Variants in ARAP2 observed in about 807,000 individuals in gnomAD.
The protein encoded by ARAP2 is ArfGAP with RhoGAP domain, ankyrin repeat and PH domain 2.
Under a neutral mutation model 194.5 loss-of-function variants are expected in ARAP2, and 148 were observed. That is an observed-to-expected ratio of 0.76 (90% CI 0.67 to 0.87). The LOEUF (loss-of-function observed/expected upper bound fraction) is 0.87, where lower values mean the gene tolerates loss of function less well. Among genes scored for constraint, ARAP2 ranks in the 40% least tolerant of loss-of-function variants. The pLI, the probability that ARAP2 is intolerant of heterozygous loss-of-function variation, is 0.00. For missense variants in ARAP2, 2,128 were observed against 1,989.7 expected (o/e 1.07, Z -1.32); for synonymous variants, 695 against 683.5 (o/e 1.02, Z -0.26).
At chr4:36,058,208 A>G (rs1723839080) in intron 1 of ARAP2, 1 of 152,196 alleles carries the variant, frequency 6.6e-6, no homozygotes, top group Non-Finnish European at 1.5e-5. Flanking sequence ...AAACAACTCC[A>G]CCGCACTATT....
chr4:36,140,491 G>T (rs1250392630), intron 19 of ARAP2, among the ~76,000 whole-genome samples: 1 of 151,692 alleles, frequency 6.6e-6, no homozygotes, highest in East Asian at 1.9e-4. Flanking sequence ...CCATCTCTAA[G>T]AATTAAATCA....
At chr4:36,160,241 A>G in intron 13 of ARAP2, 2 of 1,137,802 alleles carry the variant, frequency 1.8e-6, no homozygotes, top group Non-Finnish European at 2.1e-6. Context: ...AAGAGTTAGC[A>G]GGAAACTTCA....
rs560393293 is a variant in ARAP2, at chr4:36,119,842, G to A, written c.3895-124C>T. On this transcript the variant is annotated intron_variant, in intron 23 of 32. Transcript: ENST00000303965. ...TTAAAAATAAATGAGAATGGCCATCGGAATCAATATGAGCCCACACAGCTA... is the reference window on the plus strand; with the variant it reads ...TTAAAAATAAATGAGAATGGCCATCAGAATCAATATGAGCCCACACAGCTA... 68 of 609,848 alleles carry A rather than the reference G, an allele frequency of 1.1e-4. 1 individual carries two copies. The South Asian group carries it at 1.9e-3, about 17-fold the overall frequency. 37.8% of individuals were successfully genotyped at this position (609,848 alleles called of 1,614,324 possible).
chr4:36,163,755 A>G (rs1038526456), intron 11 of ARAP2, among the ~76,000 whole-genome samples: 5 of 152,166 alleles, frequency 3.3e-5, no homozygotes, highest in African/African-American at 1.2e-4. Flanking sequence ...GGAGGGAAGA[A>G]AGAAAGGAAG....
At position 36,066,674 on chromosome 4, in the gene ARAP2, G is replaced by A. The variant is rs1479176118; in HGVS notation, c.*1233C>T. The A allele has an allele frequency of 1.3e-5, 2 of 152,018 alleles. No individual in the cohort carries two copies. The highest frequency in any genetic ancestry group is 2.9e-5 in the Non-Finnish European group (2 of 68,024). The allele number at this position is 152,018 out of a possible 1,614,324, so 9.4% of individuals were successfully genotyped here. ...AATGCTTCCCCTAACATGAACTATGGTTAGATAGCATTGTCTGTCAGGAAA... is the reference window on the plus strand; with the variant it reads ...AATGCTTCCCCTAACATGAACTATGATTAGATAGCATTGTCTGTCAGGAAA... On this transcript the variant is annotated 3_prime_UTR_variant, in exon 33 of 33. Coordinates refer to ENST00000303965, the MANE Select transcript of ARAP2 (RefSeq NM_015230.4).
chr4:36,082,391 G>A, intron 29 of ARAP2, 105 bp from the exon 30 acceptor site: 3 of 1,136,180 alleles, frequency 2.6e-6, no homozygotes, highest in East Asian at 5.2e-5. Context: ...TGGTGGGAAT[G>A]CATAGACTTC....
chr4:36,121,274 C>A lies in ARAP2; in HGVS notation c.3799G>T (p.Val1267Phe), dbSNP rs561374791. The change falls in exon 23 of 33, where the codon GTC (valine) becomes TTC (phenylalanine). Residue 1267 changes from valine (V) to phenylalanine (F), a missense_variant. Val to Phe is a conservative substitution (Grantham distance 50, BLOSUM62 -1). Transcript: ENST00000303965. ...GTTTGAAACAAACAGGATGAAAAGACCAAGGCCAAATTATGGGCATTCATG... is the reference window on the plus strand; with the variant it reads ...GTTTGAAACAAACAGGATGAAAAGAACAAGGCCAAATTATGGGCATTCATG... ...NHMNAHNLAL[V>F]FSSCLFQTKG... is the part of the protein sequence containing the mutation. 152 of 1,605,544 alleles carry A rather than the reference C, an allele frequency of 9.5e-5. No homozygotes were observed. In the East Asian group the frequency reaches 3.2e-3, roughly 33 times the overall value.
At chr4:36,107,469 T>C (rs918562473) in intron 27 of ARAP2, 96 bp downstream of exon 27, 1 of 1,321,954 alleles carries the variant, frequency 7.6e-7, no homozygotes, top group African/African-American at 1.5e-5. Flanking sequence ...TAGCTACTCG[T>C]TTTTCACATT....
rs376027995 is a variant in ARAP2 at position 36,210,709 on chromosome 4, C to T, written c.1168G>A (p.Asp390Asn). The change falls in exon 6 of 33, where the codon GAC becomes AAC. Residue 390 changes from aspartate (D) to asparagine (N), a missense_variant. Physicochemically the swap from Asp to Asn is conservative, Grantham distance 23. Transcript: ENST00000303965. ...GGTATCCAAATATCTTCCACCTTGT[C>T]CTCGCTTATTTTCTCCTTTCTGTTA... ...YDNRKEKISE[D>N]KVEDIWIPRE... The T allele has an allele frequency of 3.0e-5, 49 of 1,607,000 alleles. No homozygotes were observed. The highest frequency in any genetic ancestry group is 3.9e-5 in the Non-Finnish European group (46 of 1,177,970).
chr4:36,025,288 G>T (rs968196819), intron 5 of ARAP2, among the ~76,000 whole-genome samples: 1 of 152,092 alleles, frequency 6.6e-6, no homozygotes, highest in South Asian at 2.1e-4. Flanking sequence ...CCACCATATG[G>T]ATTTTAACAT....
chr4:36,180,726 A>G (rs937880544), intron 8 of ARAP2, among the ~76,000 whole-genome samples: 13 of 152,226 alleles, frequency 8.5e-5, no homozygotes, highest in Non-Finnish European at 7.3e-5. Context: ...ATTACTTTAA[A>G]ACTGGCAATT....
chr4:36,128,493 C>A, intron 21 of ARAP2, 40 bp downstream of exon 21: 1 of 1,494,014 alleles, frequency 6.7e-7, no homozygotes, highest in Non-Finnish European at 9.3e-7. Context: ...CACACACACA[C>A]ACACACACAC....
At chr4:36,044,320 A>G (rs1046647798) in intron 5 of ARAP2, among the ~76,000 whole-genome samples, 1 of 152,200 alleles carries the variant, frequency 6.6e-6, no homozygotes. Context: ...TTCAAGAGAA[A>G]AATGGAAGTA....
intron 27 of ARAP2, among the ~76,000 whole-genome samples, chr4:36,102,074 T>C (rs1204611462): frequency 1.3e-5 from 2 of 152,054 alleles, no homozygotes; most frequent in Non-Finnish European, 2.9e-5. Flanking sequence ...ATCTCTGATA[T>C]TCTTACTCTA....
At chr4:36,032,686 A>T (rs958248907) in intron 5 of ARAP2, among the ~76,000 whole-genome samples, 10 of 152,032 alleles carry the variant, frequency 6.6e-5, no homozygotes, top group Middle Eastern at 3.4e-3. Context: ...TTTAACTTTT[A>T]TTTTAAGTTT....
At chr4:36,044,053 G>C (rs1380176666) in intron 5 of ARAP2, among the ~76,000 whole-genome samples, 2 of 152,120 alleles carry the variant, frequency 1.3e-5, no homozygotes, top group East Asian at 1.9e-4. Context: ...CAGTATGGAA[G>C]AGAAGCACTC....
chr4:36,143,122 G>T (rs897459719), intron 19 of ARAP2, among the ~76,000 whole-genome samples: 2 of 151,602 alleles, frequency 1.3e-5, no homozygotes, highest in Non-Finnish European at 3.0e-5. Context: ...ACCATACAGG[G>T]TGCTGTGCCT....
At chr4:36,010,212 A>G (rs1216924197) in intron 9 of ARAP2, among the ~76,000 whole-genome samples, 1 of 151,182 alleles carries the variant, frequency 6.6e-6, no homozygotes, top group Non-Finnish European at 1.5e-5. Context: ...ATTGTATTTT[A>G]TATATTGTAT....
intron 7 of ARAP2, among the ~76,000 whole-genome samples, chr4:36,189,583 CT>C (rs1741401275): frequency 6.6e-6 from 1 of 152,150 alleles, no homozygotes; most frequent in African/African-American, 2.4e-5. Context: ...TTCACAGCCT[CT>C]ACTATCCTCT....
Sources: gnomAD v4.1 joint callset for allele counts (sites outside exome capture counted in the v4.1 genomes callset) on GRCh38, gnomAD v4.1.1 for gene constraint, MANE v1.5 for transcripts, NCBI Gene and HGNC (gene_info 2026-07-23, HGNC 2026-07-21) for gene names.